The following EYS variants were observed in gnomAD, a reference collection of about 807,000 sequenced individuals.
EYS encodes the protein EGF-like photoreceptor maintenance factor.
A neutral mutation model predicts 282.1 loss-of-function variants in EYS; 250 were observed. The observed-to-expected ratio is 0.89, with a 90% CI of 0.80 to 0.98. The LOEUF is 0.98. Among genes scored for constraint, EYS ranks in the 50% least tolerant of loss-of-function variants. EYS has a pLI of 0.00. For missense variants in EYS, 4,016 were observed against 3,709.0 expected (o/e 1.08, Z -2.15); for synonymous variants, 1,355 against 1,282.9 (o/e 1.06, Z -1.20).
At chr6:64,630,025 A>C in intron 22 of EYS, among the ~76,000 whole-genome samples, 1 of 152,222 alleles carries the variant, frequency 6.6e-6, no homozygotes, top group East Asian at 1.9e-4. Flanking sequence ...GATGTTAGCT[A>C]TAAGTTTTTA....
chr6:64,108,556 G>A (rs77927848), intron 31 of EYS, among the ~76,000 whole-genome samples: 6 of 136,818 alleles, frequency 4.4e-5, no homozygotes, highest in Non-Finnish European at 7.6e-5. Context: ...TTAAGCCTCC[G>A]TAAAAGGAAA....
chr6:65,107,917 A>C (rs982118480), intron 12 of EYS, among the ~76,000 whole-genome samples: 1 of 152,126 alleles, frequency 6.6e-6, no homozygotes, highest in African/African-American at 2.4e-5. Flanking sequence ...AAACATTAAA[A>C]TCTTGCTCAT....
chr6:64,686,809 G>A (rs28895351), intron 22 of EYS, among the ~76,000 whole-genome samples: 769 of 46,404 alleles, frequency 0.017, 193 homozygotes, highest in Non-Finnish European at 0.026. Flanking sequence ...ATATATGTGT[G>A]TATATATATA....
At chr6:64,857,932 C>T (rs1010370641) in intron 19 of EYS, among the ~76,000 whole-genome samples, 1 of 152,018 alleles carries the variant, frequency 6.6e-6, no homozygotes, top group African/African-American at 2.4e-5. Flanking sequence ...TTTTATTTCC[C>T]ATTTTTAAAT....
chr6:64,742,459 CA>C (rs761159982), intron 22 of EYS, among the ~76,000 whole-genome samples: 4 of 152,094 alleles, frequency 2.6e-5, no homozygotes, highest in Non-Finnish European at 5.9e-5. Context: ...AAAATGGTGT[CA>C]ATAAAATTGG....
Position 63,995,115 on chromosome 6 carries a change from ACCATATGTT to A in EYS, c.6834+3951_6834+3959del, listed in dbSNP as rs1767776079. On this transcript the variant is annotated intron_variant, in intron 34 of 42. Coordinates refer to ENST00000503581, the MANE Select transcript of EYS (RefSeq NM_001142800.2). ...ACAGAATGGGAGAAAATATTTTCAA[ACCATATGTT>A]TGATAAGGAGTTAATATCCAAAACA... is the stretch of plus-strand genomic sequence containing the variant. Among the ~76,000 whole-genome samples the A allele has an allele frequency of 1.3e-4, 20 of 152,122 alleles. No individual in the cohort carries two copies. In the South Asian group the frequency reaches 4.1e-3, roughly 32 times the overall value.
At chr6:63,862,510 C>T (rs1016484724) in intron 36 of EYS, among the ~76,000 whole-genome samples, 15 of 152,018 alleles carry the variant, frequency 9.9e-5, no homozygotes, top group African/African-American at 3.4e-4. Flanking sequence ...ATCTTTGAAA[C>T]CCTAATGAGA....
chr6:64,655,059 G>C (rs895973896), intron 22 of EYS, among the ~76,000 whole-genome samples: 12 of 151,938 alleles, frequency 7.9e-5, no homozygotes, highest in Admixed American at 6.6e-4. Context: ...TTAAAAACGT[G>C]AAAAAAATCG....
At chr6:64,140,026 T>G (rs1403822625) in intron 31 of EYS, among the ~76,000 whole-genome samples, 1 of 151,432 alleles carries the variant, frequency 6.6e-6, no homozygotes, top group East Asian at 1.9e-4. Flanking sequence ...AATGGACAAG[T>G]GCTTGGATAA....
chr6:64,365,578 C>G (rs1412628562), intron 29 of EYS, among the ~76,000 whole-genome samples: 1 of 151,928 alleles, frequency 6.6e-6, no homozygotes. Flanking sequence ...GTGTGCCACT[C>G]CAAATAAAGG....
At chr6:65,427,530 A>G (rs914935572) in intron 5 of EYS, among the ~76,000 whole-genome samples, 1 of 152,110 alleles carries the variant, frequency 6.6e-6, no homozygotes, top group Non-Finnish European at 1.5e-5. Context: ...ATATTTTAAA[A>G]ATAAATATGT....
At chr6:65,556,746 G>A (rs887219766) in intron 2 of EYS, among the ~76,000 whole-genome samples, 4 of 152,008 alleles carry the variant, frequency 2.6e-5, no homozygotes, top group Non-Finnish European at 5.9e-5. Flanking sequence ...TTTTTCAGGT[G>A]TACCTTGACT....
At chr6:65,377,348 C>T (rs1238520971) in intron 8 of EYS, among the ~76,000 whole-genome samples, 1 of 152,004 alleles carries the variant, frequency 6.6e-6, no homozygotes, top group Non-Finnish European at 1.5e-5. Context: ...GACAACGTAC[C>T]AGAATCTCTG....
intron 22 of EYS, among the ~76,000 whole-genome samples, chr6:64,780,688 A>G (rs113788136): frequency 0.019 from 2,951 of 152,322 alleles, 71 homozygotes; most frequent in African/African-American, 0.068. Flanking sequence ...TAATCCTGCA[A>G]TGAAAGGCAA....
At chr6:65,440,845 G>GTATATA (rs137877406) in intron 5 of EYS, among the ~76,000 whole-genome samples, 2 of 142,054 alleles carry the variant, frequency 1.4e-5, no homozygotes, top group African/African-American at 2.6e-5. Context: ...AAAAATATGT[G>GTATATA]TATATATATA....
chr6:63,784,388 A>T (rs998697298), intron 39 of EYS, among the ~76,000 whole-genome samples: 1 of 152,186 alleles, frequency 6.6e-6, no homozygotes, highest in African/African-American at 2.4e-5. Context: ...GAAAAAATAC[A>T]TGGGTTTTGG....
intron 30 of EYS, among the ~76,000 whole-genome samples, chr6:64,248,183 T>TTGTGTGTGTGTGTGTG (rs10589491): frequency 6.2e-5 from 9 of 146,304 alleles, no homozygotes; most frequent in African/African-American, 1.8e-4. Flanking sequence ...CAGAAGAAGC[T>TTGTGTGTGTGTGTGTG]TGTGTGTGTG....
intron 12 of EYS, among the ~76,000 whole-genome samples, chr6:65,084,359 G>C (rs1330806821): frequency 6.6e-6 from 1 of 152,076 alleles, no homozygotes; most frequent in African/African-American, 2.4e-5. Context: ...AAATATTAGA[G>C]AAAAGCTATA....
At chr6:65,153,664 A>T (rs1485038923) in intron 12 of EYS, among the ~76,000 whole-genome samples, 1 of 151,734 alleles carries the variant, frequency 6.6e-6, no homozygotes, top group African/African-American at 2.4e-5. Flanking sequence ...TCTCTTGTTA[A>T]CTGCATACTG....
Sources: gnomAD v4.1 joint callset for allele counts (sites outside exome capture counted in the v4.1 genomes callset) on GRCh38, gnomAD v4.1.1 for gene constraint, MANE v1.5 for transcripts, NCBI Gene and HGNC (gene_info 2026-07-23, HGNC 2026-07-21) for gene names.